The following RCAN1 variants were observed in gnomAD, a reference collection of about 807,000 sequenced individuals.
RCAN1 encodes regulator of calcineurin 1.
RCAN1 carries 11 observed loss-of-function variants against 22.9 expected under a neutral mutation model. The ratio of observed to expected loss-of-function variants is 0.48; its 90% CI spans 0.30 to 0.79. RCAN1 has a LOEUF of 0.79. Ranked by LOEUF, RCAN1 falls within the 30% of genes least tolerant of loss-of-function variation. RCAN1 has a pLI of 0.06. For missense variants in RCAN1, 291 were observed against 337.8 expected (o/e 0.86, Z 1.09); for synonymous variants, 136 against 142.3 (o/e 0.96, Z 0.32).
At position 34,615,008 on chromosome 21, in the gene RCAN1, C is replaced by G; in HGVS notation, c.4G>C (p.Glu2Gln). 1 of 1,067,796 alleles carries G rather than the reference C, an allele frequency of 9.4e-7. No individual in the cohort carries two copies. 66.1% of individuals were successfully genotyped at this position (1,067,796 alleles called of 1,614,324 possible). ...AGCTGGGGACCGGCCACGCCGTCCT[C>G]CATCCCCGCGCCCGCGCGACCCTGT... Reference protein sequence around the residue: MEDGVAGPQLGA... With the variant: MQDGVAGPQLGA... The change falls in exon 1 of 4, where the codon GAG (glutamate) becomes CAG (glutamine). Residue 2 changes from glutamate (E) to glutamine (Q), a missense_variant. By Grantham distance (29) the Glu-to-Gln change is conservative. Transcript: ENST00000313806.
intron 1 of RCAN1, among the ~76,000 whole-genome samples, chr21:34,524,806 A>AG (rs1473034818): frequency 6.6e-6 from 1 of 152,000 alleles, no homozygotes; most frequent in Admixed American, 6.6e-5. Context: ...TAGGTTGCTC[A>AG]GGGGACAGCC....
intron 1 of RCAN1, among the ~76,000 whole-genome samples, chr21:34,539,335 T>C (rs2834513): frequency 0.24 from 36,420 of 152,116 alleles, 5,068 homozygotes; most frequent in African/African-American, 0.38. Context: ...GAGCCACTCA[T>C]AGTAAGGTGG....
chr21:34,571,635 T>C (rs1568916138), intron 1 of RCAN1, among the ~76,000 whole-genome samples: 1 of 152,162 alleles, frequency 6.6e-6, no homozygotes, highest in African/African-American at 2.4e-5. Flanking sequence ...TGGCTCACTG[T>C]AGTGTTACTT....
chr21:34,523,773 T>C, intron 1 of RCAN1, 63 bp from the exon 2 acceptor site: 1 of 1,354,636 alleles, frequency 7.4e-7, no homozygotes, highest in Non-Finnish European at 1.0e-6. Context: ...CTTGACTAGA[T>C]GATGTCATTA....
At chr21:34,567,518 G>T (rs1244315486) in intron 1 of RCAN1, among the ~76,000 whole-genome samples, 3 of 146,538 alleles carry the variant, frequency 2.0e-5, no homozygotes, top group Admixed American at 1.4e-4. Context: ...TCAAGCCACT[G>T]CACCCCAGCC....
At chr21:34,577,612 C>A (rs538364484) in intron 1 of RCAN1, among the ~76,000 whole-genome samples, 10 of 152,154 alleles carry the variant, frequency 6.6e-5, no homozygotes, top group South Asian at 6.2e-4. Context: ...AACAAACAAA[C>A]AAACAAACAA....
chr21:34,563,988 C>T (rs1013908244), intron 1 of RCAN1, among the ~76,000 whole-genome samples: 5 of 151,476 alleles, frequency 3.3e-5, no homozygotes, highest in East Asian at 3.9e-4. Flanking sequence ...AAGAACTACC[C>T]GACATTGGGT....
chr21:34,530,702 G>A (rs1985349279), intron 1 of RCAN1, among the ~76,000 whole-genome samples: 1 of 135,278 alleles, frequency 7.4e-6, no homozygotes, highest in African/African-American at 2.7e-5. Flanking sequence ...TTGGCTCACT[G>A]CAACCTCTGC....
chr21:34,614,159 C>T lies in RCAN1; in HGVS notation c.252+601G>A. On this transcript the variant is annotated intron_variant, in intron 1 of 3. Transcript: ENST00000313806. This position sits in a 1 kb window ranked among gnomAD's most constrained non-coding sequence, Gnocchi z 6.0. ...GATGGCGGCAAGCCACACCTTCACA[C>T]AAGGGGGCAAGGTTCTTGACTAAAT... 2.3e-6 allele frequency: 2 copies of T among 885,888 alleles called. No homozygotes were observed. The highest frequency in any genetic ancestry group is 2.8e-6 in the Non-Finnish European group (2 of 717,924). The allele number at this position is 885,888 out of a possible 1,614,324, so 54.9% of individuals were successfully genotyped here. A position where few individuals can be genotyped will look rare whatever the true frequency, so the allele number is the denominator to read the frequency against.
chr21:34,566,835 C>T (rs1467390834), intron 1 of RCAN1, among the ~76,000 whole-genome samples: 2 of 152,044 alleles, frequency 1.3e-5, no homozygotes, highest in African/African-American at 4.8e-5. Flanking sequence ...AGAGAAAGAG[C>T]GAGAGAGGAG....
At chr21:34,584,509 G>C (rs1402170646) in intron 1 of RCAN1, among the ~76,000 whole-genome samples, 1 of 152,060 alleles carries the variant, frequency 6.6e-6, no homozygotes, top group Non-Finnish European at 1.5e-5. Flanking sequence ...TTGCAAAAAA[G>C]GTTTTCTCTT....
intron 1 of RCAN1, among the ~76,000 whole-genome samples, chr21:34,607,002 T>A (rs1988545259): frequency 6.6e-6 from 1 of 152,242 alleles, no homozygotes; most frequent in African/African-American, 2.4e-5. Context: ...CTTTCTGAAT[T>A]AAATAATATT....
chr21:34,586,998 G>A (rs1987822333), intron 1 of RCAN1, among the ~76,000 whole-genome samples: 2 of 151,832 alleles, frequency 1.3e-5, no homozygotes, highest in African/African-American at 4.8e-5. Context: ...GGAAAACACT[G>A]AAACAGAAAA....
intron 1 of RCAN1, among the ~76,000 whole-genome samples, chr21:34,575,979 C>T (rs533794307): frequency 3.3e-5 from 5 of 152,306 alleles, no homozygotes; most frequent in African/African-American, 1.2e-4. Context: ...CCTTCCATCA[C>T]ACTGCATGGG....
chr21:34,608,528 A>G (rs1006664746), intron 1 of RCAN1, among the ~76,000 whole-genome samples: 4 of 152,188 alleles, frequency 2.6e-5, no homozygotes, highest in African/African-American at 9.7e-5. Context: ...CCCCCACACA[A>G]GTGAGCCTGG....
chr21:34,611,653 T>A (rs1012419794), intron 1 of RCAN1, among the ~76,000 whole-genome samples: 1 of 152,210 alleles, frequency 6.6e-6, no homozygotes, highest in Non-Finnish European at 1.5e-5. Context: ...GGGACTTTTG[T>A]CAGCATTGCA....
At chr21:34,539,360 A>G (rs914149131) in intron 1 of RCAN1, among the ~76,000 whole-genome samples, 1 of 152,258 alleles carries the variant, frequency 6.6e-6, no homozygotes, top group African/African-American at 2.4e-5. Context: ...AACTAATGAC[A>G]TGAAAAGATG....
intron 1 of RCAN1, among the ~76,000 whole-genome samples, chr21:34,526,373 C>A (rs772993996): frequency 2.6e-5 from 4 of 152,212 alleles, no homozygotes; most frequent in Non-Finnish European, 5.9e-5. Flanking sequence ...CTGAAAAGTT[C>A]ACTTACAACA....
Position 34,550,690 on chromosome 21 carries a change from C to A in RCAN1, c.253-26980G>T, listed in dbSNP as rs146678471. ...GTAGTATTCATCATGGCAGCCCAAG[C>A]AGACTAACACCACTGCCAACTTAAG... On this transcript the variant is annotated intron_variant, in intron 1 of 3. Coordinates refer to ENST00000313806, the MANE Select transcript of RCAN1 (RefSeq NM_004414.7). Among the ~76,000 whole-genome samples, 7 of 152,302 alleles carry A rather than the reference C, an allele frequency of 4.6e-5. No individual in the cohort carries two copies. In the East Asian group the frequency reaches 1.4e-3, roughly 29 times the overall value.
Sources: gnomAD v4.1 joint callset for allele counts (sites outside exome capture counted in the v4.1 genomes callset) on GRCh38, gnomAD v4.1.1 for gene constraint, Gnocchi (gnomAD v3.1) non-coding constraint, MANE v1.5 for transcripts, NCBI Gene and HGNC (gene_info 2026-07-23, HGNC 2026-07-21) for gene names.